BMPR2: variants seen among roughly 807,000 people sequenced by gnomAD.
BMPR2 encodes the protein bone morphogenetic protein receptor type 2, also known as bone morphogenetic protein receptor type-2.
In BMPR2, 29 loss-of-function variants were observed where a neutral mutation model predicts 100.8. The observed-to-expected ratio is 0.29, with a 90% confidence interval of 0.21 to 0.39. The LOEUF is 0.39. Ranked by LOEUF, BMPR2 falls within the 10% of genes least tolerant of loss-of-function variation. The probability of loss-of-function intolerance (pLI) is 1.00; values close to 1 mark genes in which losing one functional copy is unlikely to be tolerated. For synonymous variants in BMPR2, 382 were observed against 442.3 expected, an observed-to-expected ratio of 0.86 and a Z score of 1.71; for missense variants, 1,011 against 1,274.5, an observed-to-expected ratio of 0.79 and a Z score of 3.15.
rs193041389 is a variant in BMPR2, at chr2:202,557,320, C to T, written c.2866+789C>T. Among the ~76,000 whole-genome samples, 806 of 152,188 alleles carry T rather than the reference C, an allele frequency of 5.3e-3. 2 individuals are homozygous for T. Among genetic ancestry groups the T allele is most frequent in the Non-Finnish European group, 8.6e-3 (584 of 67,996 alleles). ...TCTACTAAAAATACAAAAAATTAGCCGCGTGTGGTGGTGGGCACCTGTAAT... is the reference window on the plus strand; with the variant it reads ...TCTACTAAAAATACAAAAAATTAGCTGCGTGTGGTGGTGGGCACCTGTAAT... On this transcript the variant is annotated intron_variant, in intron 12 of 12. Coordinates refer to ENST00000374580, the MANE Select transcript of BMPR2 (RefSeq NM_001204.7).
chr2:202,400,223 C>CCT (rs1420938923), intron 1 of BMPR2, among the ~76,000 whole-genome samples: 2 of 152,112 alleles, frequency 1.3e-5, no homozygotes, highest in Non-Finnish European at 2.9e-5. Flanking sequence ...TTCACTGCAA[C>CCT]CTTTAAATCC....
At chr2:202,467,346 G>T (rs1692345365) in intron 2 of BMPR2, among the ~76,000 whole-genome samples, 173 bp from the exon 3 acceptor site, 1 of 152,032 alleles carries the variant, frequency 6.6e-6, no homozygotes, top group African/African-American at 2.4e-5. Context: ...AATGTCTTTG[G>T]TATCCTTTAC....
chr2:202,449,396 T>C (rs1018991948), intron 1 of BMPR2, among the ~76,000 whole-genome samples: 5 of 152,242 alleles, frequency 3.3e-5, no homozygotes, highest in African/African-American at 1.2e-4. Context: ...AATGGCCTGC[T>C]TGCAACTTGG....
At chr2:202,424,012 G>A (rs893153982) in intron 1 of BMPR2, among the ~76,000 whole-genome samples, 9 of 146,934 alleles carry the variant, frequency 6.1e-5, no homozygotes, top group Non-Finnish European at 1.0e-4. Flanking sequence ...GGCGGAGGTT[G>A]CAGTGAGACA....
intron 1 of BMPR2, among the ~76,000 whole-genome samples, chr2:202,462,805 C>G (rs1692249760): frequency 6.6e-6 from 1 of 151,990 alleles, no homozygotes; most frequent in African/African-American, 2.4e-5. Context: ...CTACACCTCC[C>G]AGGTTCATGT....
chr2:202,453,007 A>C (rs1692018225), intron 1 of BMPR2, among the ~76,000 whole-genome samples: 1 of 152,296 alleles, frequency 6.6e-6, no homozygotes, highest in Admixed American at 6.5e-5. Context: ...TGATGTGAAA[A>C]AGAGAATGGT....
chr2:202,498,113 G>A (rs906957630), intron 3 of BMPR2, among the ~76,000 whole-genome samples: 3 of 152,108 alleles, frequency 2.0e-5, no homozygotes, highest in African/African-American at 7.2e-5. Flanking sequence ...TCATTTTTGG[G>A]GCATAACATC....
chr2:202,383,098 T>A (rs1355744726), intron 1 of BMPR2, among the ~76,000 whole-genome samples: 1 of 152,270 alleles, frequency 6.6e-6, no homozygotes, highest in African/African-American at 2.4e-5. Context: ...TTTCTTAATT[T>A]GTGCATTAAG....
intron 1 of BMPR2, among the ~76,000 whole-genome samples, chr2:202,445,008 G>A (rs1691823491): frequency 1.3e-5 from 2 of 150,078 alleles, no homozygotes; most frequent in African/African-American, 2.5e-5. Context: ...GGCTGGTCTC[G>A]AACTCCCGAC....
chr2:202,475,641 T>C (rs1044216304), intron 3 of BMPR2, among the ~76,000 whole-genome samples: 5 of 152,196 alleles, frequency 3.3e-5, no homozygotes, highest in African/African-American at 1.2e-4. Flanking sequence ...CTTGCTCCTC[T>C]TCTCTCAAAA....
intron 1 of BMPR2, among the ~76,000 whole-genome samples, chr2:202,388,270 G>A (rs1690471138): frequency 2.6e-5 from 4 of 151,754 alleles, no homozygotes; most frequent in Admixed American, 2.6e-4. Flanking sequence ...GGTGGTGCAT[G>A]CCTGTAGTCC....
intron 1 of BMPR2, among the ~76,000 whole-genome samples, chr2:202,407,544 G>A (rs529179393): frequency 2.0e-5 from 3 of 151,922 alleles, no homozygotes; most frequent in Admixed American, 1.3e-4. Context: ...AGGCCGAGAC[G>A]GGTGGATCAC....
intron 7 of BMPR2, among the ~76,000 whole-genome samples, chr2:202,529,051 A>T (rs1170515107): frequency 1.3e-5 from 2 of 152,214 alleles, no homozygotes; most frequent in Non-Finnish European, 2.9e-5. Context: ...TTTTTTCCAT[A>T]TTATAATAGC....
At chr2:202,382,045 A>AGTTTTT (rs1690310064) in intron 1 of BMPR2, among the ~76,000 whole-genome samples, 18 of 145,704 alleles carry the variant, frequency 1.2e-4, no homozygotes, top group African/African-American at 3.8e-4. Context: ...GCTGGATATC[A>AGTTTTT]GTTTTTGTTT....
intron 1 of BMPR2, among the ~76,000 whole-genome samples, chr2:202,413,980 T>A (rs914164714): frequency 6.6e-6 from 1 of 152,178 alleles, no homozygotes; most frequent in Admixed American, 6.5e-5. Flanking sequence ...TATTAATATA[T>A]GTTTCATATA....
At chr2:202,479,540 C>T (rs1244930179) in intron 3 of BMPR2, among the ~76,000 whole-genome samples, 1 of 152,042 alleles carries the variant, frequency 6.6e-6, no homozygotes, top group Non-Finnish European at 1.5e-5. Context: ...CCCCTCTGCT[C>T]CCACACATGC....
rs1466824557 is a variant in BMPR2 at position 202,519,017 on chromosome 2, A to G, written c.817A>G (p.Met273Val). 4.3e-6 allele frequency: 7 copies of G among 1,614,148 alleles called. No individual in the cohort carries two copies. The highest frequency in any genetic ancestry group is 5.9e-6 in the Non-Finnish European group (7 of 1,180,008). Reference protein sequence around the residue: ...GDERVTADGRMEYLLVMEYYP... With the variant: ...GDERVTADGRVEYLLVMEYYP... ...TGAGAGAGTCACTGCAGATGGACGC[A>G]TGGAATATTTGCTTGTGATGGAGTA... The change falls in exon 6 of 13, where the codon ATG becomes GTG. Residue 273 changes from methionine (M) to valine (V), a missense_variant. By Grantham distance (21) the Met-to-Val change is conservative. Around this residue, in one of 6 missense-constraint regions of BMPR2, gnomAD observed 355 missense variants for 455.3 expected, o/e 0.78. Transcript: ENST00000374580.
At chr2:202,449,232 C>T (rs919142309) in intron 1 of BMPR2, among the ~76,000 whole-genome samples, 5 of 151,680 alleles carry the variant, frequency 3.3e-5, no homozygotes, top group African/African-American at 9.7e-5. Flanking sequence ...CGCTTGAAAC[C>T]GGGAGGTGGA....
intron 1 of BMPR2, among the ~76,000 whole-genome samples, chr2:202,412,615 G>C (rs956771118): frequency 2.0e-5 from 3 of 152,162 alleles, no homozygotes; most frequent in Non-Finnish European, 2.9e-5. Context: ...CACCGTGCCC[G>C]GCCGTTTCTG....
Sources: allele counts gnomAD v4.1 joint callset (sites outside exome capture counted in the v4.1 genomes callset), GRCh38; gene constraint gnomAD v4.1.1; regional missense constraint gnomAD v4.1.1; transcripts MANE v1.5; gene names NCBI Gene and HGNC (gene_info 2026-07-23, HGNC 2026-07-21).